EXOC4: variants seen among roughly 807,000 people sequenced by gnomAD.
EXOC4 encodes exocyst complex component 4.
In EXOC4, 71 loss-of-function variants were observed where a neutral mutation model predicts 107.2. The observed-to-expected ratio is 0.66, with a 90% CI of 0.55 to 0.81. The LOEUF (loss-of-function observed/expected upper bound fraction) is 0.81, where lower values mean the gene tolerates loss of function less well. Among genes scored for constraint, EXOC4 ranks in the 30% least tolerant of loss-of-function variants. EXOC4 has a pLI of 0.00. For synonymous variants in EXOC4, 456 were observed against 441.2 expected, an observed-to-expected ratio of 1.03 and a Z score of -0.42; for missense variants, 1,108 against 1,189.6, an observed-to-expected ratio of 0.93 and a Z score of 1.01.
intron 11 of EXOC4, among the ~76,000 whole-genome samples, chr7:133,824,659 C>A (rs1797655873): frequency 6.6e-6 from 1 of 152,128 alleles, no homozygotes. Context: ...GTTTTGGAGG[C>A]CAGGAGCCAC....
At chr7:133,578,209 T>A (rs1207152914) in intron 9 of EXOC4, among the ~76,000 whole-genome samples, 1 of 152,208 alleles carries the variant, frequency 6.6e-6, no homozygotes. Context: ...TTTATCCCTT[T>A]TAAATCAGTT....
intron 17 of EXOC4, among the ~76,000 whole-genome samples, chr7:134,027,294 A>G (rs1795160364): frequency 6.6e-6 from 1 of 152,048 alleles, no homozygotes; most frequent in African/African-American, 2.4e-5. Context: ...ATTCCCAACT[A>G]CCCCATCCGC....
At chr7:133,857,011 C>T (rs1255926646) in intron 11 of EXOC4, among the ~76,000 whole-genome samples, 3 of 147,372 alleles carry the variant, frequency 2.0e-5, no homozygotes, top group East Asian at 2.0e-4. Flanking sequence ...GCAGGAGAAT[C>T]GCTCGAACCC....
chr7:133,953,982 C>G (rs1800753149), intron 14 of EXOC4, among the ~76,000 whole-genome samples: 1 of 152,180 alleles, frequency 6.6e-6, no homozygotes, highest in South Asian at 2.1e-4. Flanking sequence ...GCAGGAACCC[C>G]AAGGATTCCT....
chr7:133,590,588 GAGA>G (rs1183774943), intron 9 of EXOC4, among the ~76,000 whole-genome samples: 5 of 152,284 alleles, frequency 3.3e-5, no homozygotes, highest in Middle Eastern at 3.4e-3. Context: ...AAGGAGAGAA[GAGA>G]AGAAGCAACC....
intron 5 of EXOC4, among the ~76,000 whole-genome samples, chr7:133,333,703 A>G (rs1285431208): frequency 6.6e-6 from 1 of 152,114 alleles, no homozygotes; most frequent in African/African-American, 2.4e-5. Context: ...ATTTCTAACC[A>G]TGTGTATATA....
Position 133,522,127 on chromosome 7 carries a change from G to A in EXOC4, c.1417+41989G>A, listed in dbSNP as rs547606437. Among the ~76,000 whole-genome samples the A allele has an allele frequency of 2.8e-4, 42 of 152,178 alleles. 2 individuals carry two copies. The East Asian group carries it at 6.6e-3, about 24-fold the overall frequency. ...GTTAAAGTGGAGTTGAATACCAGTC[G>A]TAAAGCTAGTAATACCTCTTCCAAA... On this transcript the variant is annotated intron_variant, in intron 9 of 17. Transcript: ENST00000253861.
intron 10 of EXOC4, among the ~76,000 whole-genome samples, chr7:133,640,234 T>C (rs9656423): frequency 0.42 from 64,450 of 151,874 alleles, 14,562 homozygotes; most frequent in Admixed American, 0.56. Context: ...TTATTGTGAA[T>C]TCTATCCCTA....
At chr7:133,734,378 C>T (rs1247834666) in intron 10 of EXOC4, among the ~76,000 whole-genome samples, 1 of 151,666 alleles carries the variant, frequency 6.6e-6, no homozygotes, top group Non-Finnish European at 1.5e-5. Flanking sequence ...TTAAACAGGA[C>T]CTGGCAGAAT....
chr7:133,668,707 C>A (rs1207322481), intron 10 of EXOC4, among the ~76,000 whole-genome samples: 2 of 152,178 alleles, frequency 1.3e-5, no homozygotes, highest in Non-Finnish European at 2.9e-5. Context: ...AGGACATGGT[C>A]AACAGAGGGG....
chr7:133,422,059 T>G (rs904102807), intron 7 of EXOC4, among the ~76,000 whole-genome samples: 4 of 152,172 alleles, frequency 2.6e-5, no homozygotes, highest in East Asian at 1.9e-4. Context: ...TGATTGAAGG[T>G]GATTAAAAAT....
At chr7:133,597,554 C>CAAAAAAAAAAAAAAAAAAAAAACAAAAA (rs58399632) in intron 9 of EXOC4, among the ~76,000 whole-genome samples, 1 of 96,076 alleles carries the variant, frequency 1.0e-5, no homozygotes, top group African/African-American at 4.2e-5. Flanking sequence ...AACTCTGTTT[C>CAAAAAAAAAAAAAAAAAAAAAACAAAAA]AAAAAAAAAA....
At chr7:133,549,768 A>T (rs1006703244) in intron 9 of EXOC4, among the ~76,000 whole-genome samples, 6 of 152,218 alleles carry the variant, frequency 3.9e-5, no homozygotes, top group African/African-American at 1.4e-4. Context: ...AACCAAGGAC[A>T]GCACAAGAAA....
chr7:134,026,262 T>C (rs1795134463), intron 17 of EXOC4, among the ~76,000 whole-genome samples: 1 of 151,520 alleles, frequency 6.6e-6, no homozygotes, highest in African/African-American at 2.4e-5. Flanking sequence ...CTCCCCACGA[T>C]GGCAAAGTAG....
chr7:133,687,782 A>G (rs1199878996), intron 10 of EXOC4, among the ~76,000 whole-genome samples: 1 of 152,082 alleles, frequency 6.6e-6, no homozygotes, highest in Non-Finnish European at 1.5e-5. Context: ...AACTAGTTAT[A>G]TTCTTCAATC....
chr7:133,861,576 C>A (rs556426075), intron 11 of EXOC4, among the ~76,000 whole-genome samples: 3 of 152,252 alleles, frequency 2.0e-5, no homozygotes, highest in South Asian at 2.1e-4. Flanking sequence ...CCTCTTTCAT[C>A]CAGGCTGGAG....
chr7:133,520,314 G>C (rs1799956127), intron 9 of EXOC4, among the ~76,000 whole-genome samples: 1 of 152,046 alleles, frequency 6.6e-6, no homozygotes, highest in Non-Finnish European at 1.5e-5. Flanking sequence ...ACTTGGGGTG[G>C]GGTGTGTGTG....
At chr7:134,070,861 C>T (rs1796265443), downstream of EXOC4, among the ~76,000 whole-genome samples, 1 of 152,122 alleles carries the variant, frequency 6.6e-6, no homozygotes, top group Non-Finnish European at 1.5e-5. Context: ...AAGGTGACCT[C>T]AGATTCCTGC....
chr7:133,325,872 T>C (rs1795226904), intron 5 of EXOC4, among the ~76,000 whole-genome samples: 1 of 152,212 alleles, frequency 6.6e-6, no homozygotes, highest in African/African-American at 2.4e-5. Flanking sequence ...ATTTGGTCTT[T>C]TCACATAGTC....
Sources: allele counts gnomAD v4.1 joint callset (sites outside exome capture counted in the v4.1 genomes callset), GRCh38; gene constraint gnomAD v4.1.1; transcripts MANE v1.5; gene names NCBI Gene and HGNC (gene_info 2026-07-23, HGNC 2026-07-21).